BANK1: variants seen among roughly 807,000 people sequenced by gnomAD.
The protein encoded by BANK1 is B-cell scaffold protein with ankyrin repeats.
BANK1 carries 95 observed loss-of-function variants against 94.5 expected under a neutral mutation model. The ratio of observed to expected loss-of-function variants is 1.00; its 90% CI spans 0.85 to 1.19. The LOEUF is 1.19. Ranked by LOEUF, BANK1 falls within the 50% of genes most tolerant of loss-of-function variation. The pLI is 0.00. For synonymous variants in BANK1, 334 were observed against 308.4 expected, an observed-to-expected ratio of 1.08 and a Z score of -0.87; for missense variants, 987 against 932.2, an observed-to-expected ratio of 1.06 and a Z score of -0.77.
intron 13 of BANK1, among the ~76,000 whole-genome samples, chr4:102,067,169 C>T (rs1560718559): frequency 2.0e-5 from 3 of 151,398 alleles, no homozygotes; most frequent in African/African-American, 7.3e-5. Context: ...TTTAGGAAAC[C>T]TATAGAGGAA....
chr4:101,814,578 A>G (rs1017864445), intron 1 of BANK1, among the ~76,000 whole-genome samples: 1 of 152,190 alleles, frequency 6.6e-6, no homozygotes, highest in African/African-American at 2.4e-5. Flanking sequence ...CAAGAAACGG[A>G]CTGGAGTTTT....
chr4:102,026,028 G>T (rs1727083393), intron 9 of BANK1, among the ~76,000 whole-genome samples: 1 of 152,122 alleles, frequency 6.6e-6, no homozygotes, highest in African/African-American at 2.4e-5. Context: ...AGCGTTAAAG[G>T]GTTTGTCGCA....
At chr4:102,037,888 C>T (rs1727566479) in intron 10 of BANK1, among the ~76,000 whole-genome samples, 1 of 152,100 alleles carries the variant, frequency 6.6e-6, no homozygotes, top group South Asian at 2.1e-4. Flanking sequence ...GCATATCACC[C>T]CAGTTAGGAT....
intron 7 of BANK1, among the ~76,000 whole-genome samples, chr4:101,953,376 C>A (rs1724235781): frequency 6.6e-6 from 1 of 152,096 alleles, no homozygotes; most frequent in African/African-American, 2.4e-5. Flanking sequence ...ACAACTGAGG[C>A]ATCTCTGTTC....
intron 7 of BANK1, among the ~76,000 whole-genome samples, chr4:101,923,800 T>C (rs1239946109): frequency 1.3e-5 from 2 of 151,834 alleles, no homozygotes; most frequent in African/African-American, 2.4e-5. Flanking sequence ...AATCTTGTTA[T>C]TGACTTTTTT....
At chr4:101,791,845 C>T (rs1415696756) in intron 1 of BANK1, among the ~76,000 whole-genome samples, 1 of 152,032 alleles carries the variant, frequency 6.6e-6, no homozygotes, top group Admixed American at 6.5e-5. Flanking sequence ...GGATTGCTTT[C>T]AGTTAAATAA....
At chr4:101,837,765 G>A (rs1184378954) in intron 2 of BANK1, among the ~76,000 whole-genome samples, 1 of 152,076 alleles carries the variant, frequency 6.6e-6, no homozygotes, top group Non-Finnish European at 1.5e-5. Context: ...GTCCTAGGCA[G>A]CAGACTGTAA....
At position 101,869,694 on chromosome 4, in the gene BANK1, T is replaced by A. The variant is rs77383330; in HGVS notation, c.764-811T>A. Among the ~76,000 whole-genome samples the A allele has an allele frequency of 3.5e-3, 529 of 152,010 alleles. 3 individuals carry two copies. The highest frequency in any genetic ancestry group is 0.012 in the African/African-American group (499 of 41,518). On this transcript the variant is annotated intron_variant, in intron 4 of 16. Coordinates refer to ENST00000322953, the MANE Select transcript of BANK1 (RefSeq NM_017935.5). ...AACCCTAGATATTTGAGTGACAGTT[T>A]TCTGGGAGAATTTGGGAAATATCTC... is the stretch of plus-strand genomic sequence containing the variant.
At chr4:101,854,746 A>G (rs1309568191) in intron 2 of BANK1, among the ~76,000 whole-genome samples, 2 of 152,186 alleles carry the variant, frequency 1.3e-5, no homozygotes, top group Non-Finnish European at 2.9e-5. Context: ...TTTTAATATT[A>G]AGAGAAAATA....
intron 5 of BANK1, among the ~76,000 whole-genome samples, chr4:101,872,860 T>C (rs997275376): frequency 1.3e-5 from 2 of 152,000 alleles, no homozygotes; most frequent in African/African-American, 4.8e-5. Context: ...TGGTGATGTA[T>C]GCCTGTAATC....
chr4:102,072,708 A>G (rs1455778301), intron 15 of BANK1, among the ~76,000 whole-genome samples: 1 of 152,234 alleles, frequency 6.6e-6, no homozygotes, highest in Non-Finnish European at 1.5e-5. Context: ...AAATATGATA[A>G]GTCTACTGTG....
intron 7 of BANK1, among the ~76,000 whole-genome samples, chr4:102,019,845 T>C (rs1726830496): frequency 6.6e-6 from 1 of 152,220 alleles, no homozygotes; most frequent in Non-Finnish European, 1.5e-5. Flanking sequence ...CATAGTCTGA[T>C]TATATAAAAT....
intron 10 of BANK1, among the ~76,000 whole-genome samples, chr4:102,038,969 A>G (rs576620278): frequency 6.6e-6 from 1 of 152,184 alleles, no homozygotes; most frequent in Non-Finnish European, 1.5e-5. Context: ...CCACTGAATT[A>G]GAATTTTTAC....
In BANK1 at chr4:102,030,008, C is replaced by T; in HGVS notation, c.1643C>T (p.Pro548Leu). 3 of 1,612,714 alleles carry T rather than the reference C, an allele frequency of 1.9e-6. No individual in the cohort carries two copies. Among genetic ancestry groups the T allele is most frequent in the Non-Finnish European group, 2.5e-6 (3 of 1,179,680 alleles). ...QMERSQNWGH[P>L]GVRQETGDEP... ...GAAAGAAGTCAAAACTGGGGTCATC[C>T]TGGTGTTAGACAAGAAACAGGAGAT... The change falls in exon 10 of 17, where the codon CCT becomes CTT. Residue 548 changes from proline to leucine, a missense_variant. Pro to Leu is a moderately conservative substitution (Grantham distance 98). Transcript: ENST00000322953.
At chr4:102,014,409 G>A (rs967709902) in intron 7 of BANK1, among the ~76,000 whole-genome samples, 1 of 152,038 alleles carries the variant, frequency 6.6e-6, no homozygotes, top group Non-Finnish European at 1.5e-5. Context: ...TGTACTGTCT[G>A]TTCATCTGTT....
Position 101,854,970 on chromosome 4 carries a change from T to C in BANK1, c.470-65T>C, listed in dbSNP as rs147598230. ...TTGGTTGTTTAGCAATTAGTCTTTA[T>C]AGCAATGGAGGAAATACTGTGGCTT... On this transcript the variant is annotated intron_variant, in intron 2 of 16. Coordinates refer to ENST00000322953, the MANE Select transcript of BANK1 (RefSeq NM_017935.5). The C allele has an allele frequency of 8.2e-3, 10,437 of 1,272,130 alleles. 78 individuals carry two copies. The highest frequency in any genetic ancestry group is 8.5e-3 in the Non-Finnish European group (7,700 of 910,914). 78.8% of individuals were successfully genotyped at this position (1,272,130 alleles called of 1,614,324 possible).
chr4:102,035,647 CAAAA>C (rs10539905), intron 10 of BANK1, among the ~76,000 whole-genome samples: 47 of 125,034 alleles, frequency 3.8e-4, no homozygotes, highest in South Asian at 1.0e-3. Context: ...GACTCCGTCT[CAAAA>C]AAAAAAAAAA....
chr4:102,032,009 T>C (rs895758163), intron 10 of BANK1, among the ~76,000 whole-genome samples: 4 of 152,184 alleles, frequency 2.6e-5, no homozygotes, highest in African/African-American at 9.6e-5. Flanking sequence ...ATTGGAACAG[T>C]TGTCTAGATT....
intron 1 of BANK1, among the ~76,000 whole-genome samples, chr4:101,824,902 G>T (rs996801785): frequency 2.6e-5 from 4 of 152,072 alleles, no homozygotes; most frequent in African/African-American, 9.7e-5. Flanking sequence ...AATATGTAAT[G>T]TAGTCTGGTT....
Sources: allele counts gnomAD v4.1 joint callset (sites outside exome capture counted in the v4.1 genomes callset), GRCh38; gene constraint gnomAD v4.1.1; transcripts MANE v1.5; gene names NCBI Gene and HGNC (gene_info 2026-07-23, HGNC 2026-07-21).